Variants in PARD3B observed in about 807,000 individuals in gnomAD.
PARD3B encodes the protein partitioning defective 3 homolog B.
A neutral mutation model predicts 130.2 loss-of-function variants in PARD3B; 103 were observed. The observed-to-expected ratio is 0.79, with a 90% CI of 0.67 to 0.93. The LOEUF is 0.93. PARD3B is among the 40% of genes least tolerant of loss of function. The pLI is 0.00. For missense variants in PARD3B, 1,609 were observed against 1,499.2 expected, an observed-to-expected ratio of 1.07 and a Z score of -1.21; for synonymous variants, 583 against 553.2, an observed-to-expected ratio of 1.05 and a Z score of -0.76.
chr2:204,795,849 T>C (rs886430810), intron 2 of PARD3B, among the ~76,000 whole-genome samples: 2 of 152,362 alleles, frequency 1.3e-5, no homozygotes, highest in East Asian at 1.9e-4. Context: ...AAGTAATTTC[T>C]TTCCCTTAAA....
At chr2:205,134,305 T>A (rs2032280880) in intron 10 of PARD3B, among the ~76,000 whole-genome samples, 1 of 151,430 alleles carries the variant, frequency 6.6e-6, no homozygotes, top group African/African-American at 2.4e-5. Flanking sequence ...GGTGGATTGC[T>A]TGAACCCAGG....
rs1404703582 is a variant in PARD3B, at chr2:205,147,988, G to A, written c.1435-10734G>A. 2.0e-5 allele frequency among the ~76,000 whole-genome samples: 3 copies of A among 152,112 alleles called. No individual in the cohort carries two copies. In the East Asian group the frequency reaches 5.8e-4, roughly 29 times the overall value. On this transcript the variant is annotated intron_variant, in intron 10 of 22. Coordinates refer to ENST00000406610, the MANE Select transcript of PARD3B (RefSeq NM_001302769.2). ...ATATCAGAGATCATAGGGCTATACA[G>A]ACAATACAGACATACATAGTCTATA...
intron 16 of PARD3B, among the ~76,000 whole-genome samples, chr2:205,246,591 C>T (rs979883656): frequency 6.6e-6 from 1 of 152,112 alleles, no homozygotes; most frequent in African/African-American, 2.4e-5. Flanking sequence ...TAGCATTGCC[C>T]CTCTAAACAA....
At chr2:205,000,228 G>T (rs770310915) in intron 3 of PARD3B, among the ~76,000 whole-genome samples, 1 of 152,132 alleles carries the variant, frequency 6.6e-6, no homozygotes, top group Non-Finnish European at 1.5e-5. Flanking sequence ...ATGGTAATGG[G>T]TGCAGTGGTG....
chr2:205,404,571 A>G (rs1389941480), intron 19 of PARD3B, among the ~76,000 whole-genome samples: 1 of 152,174 alleles, frequency 6.6e-6, no homozygotes, highest in Non-Finnish European at 1.5e-5. Flanking sequence ...GTTTTAAAAT[A>G]TGTCATGTTG....
intron 21 of PARD3B, among the ~76,000 whole-genome samples, chr2:205,545,955 C>T (rs984430773): frequency 2.6e-5 from 4 of 152,112 alleles, no homozygotes; most frequent in Non-Finnish European, 4.4e-5. Context: ...GCTAGAAATA[C>T]ATACTAATTT....
intron 1 of PARD3B, among the ~76,000 whole-genome samples, chr2:204,635,166 T>A (rs1319024591): frequency 6.6e-6 from 1 of 152,194 alleles, no homozygotes; most frequent in Non-Finnish European, 1.5e-5. Flanking sequence ...TGACAGGATC[T>A]CAACAGTCTT....
chr2:204,969,742 C>T (rs1559311491), intron 3 of PARD3B, among the ~76,000 whole-genome samples: 1 of 152,102 alleles, frequency 6.6e-6, no homozygotes, highest in Admixed American at 6.6e-5. Flanking sequence ...TGTGATAGCA[C>T]CTCACATCCT....
chr2:204,838,456 C>A (rs2044139616), intron 2 of PARD3B, among the ~76,000 whole-genome samples: 1 of 151,748 alleles, frequency 6.6e-6, no homozygotes, highest in Admixed American at 6.6e-5. Context: ...CTCAGTTGAT[C>A]CACCTGCCTC....
At chr2:205,114,305 T>C (rs1703868560) in intron 6 of PARD3B, among the ~76,000 whole-genome samples, 1 of 152,134 alleles carries the variant, frequency 6.6e-6, no homozygotes, top group Admixed American at 6.6e-5. Context: ...AAAACAATTG[T>C]ACTGAACTTG....
chr2:205,069,271 A>G (rs1700573273), intron 4 of PARD3B, among the ~76,000 whole-genome samples: 1 of 152,034 alleles, frequency 6.6e-6, no homozygotes, highest in South Asian at 2.1e-4. Flanking sequence ...TGTTTTGGTT[A>G]GATTTTTTTC....
intron 2 of PARD3B, among the ~76,000 whole-genome samples, chr2:204,913,201 G>T (rs1045559306): frequency 1.3e-5 from 2 of 152,080 alleles, no homozygotes; most frequent in African/African-American, 4.8e-5. Flanking sequence ...ATATTCAATG[G>T]ACAGAATTTC....
rs371776970 is a variant in PARD3B at position 205,401,138 on chromosome 2, C to A, written c.2741+15C>A. ...GAGCGTGAAAGGTGAGCAGAAGTGC[C>A]GAGACCTTCATTTTCTTTGACTCTA... On this transcript the variant is annotated intron_variant, in intron 19 of 22. Coordinates refer to ENST00000406610, the MANE Select transcript of PARD3B (RefSeq NM_001302769.2). The A allele has an allele frequency of 3.9e-6, 6 of 1,552,756 alleles. No individual in the cohort carries two copies. The highest frequency in any genetic ancestry group is 1.9e-5 in the Admixed American group (1 of 53,572).
At position 205,010,079 on chromosome 2, in the gene PARD3B, C is replaced by T. The variant is rs201684598; in HGVS notation, c.395-37502C>T. On this transcript the variant is annotated intron_variant, in intron 3 of 22. Coordinates refer to ENST00000406610, the MANE Select transcript of PARD3B (RefSeq NM_001302769.2). ...AGTGAACCAATATAGTAATATTTTT[C>T]CAAGCAGGCAATTTTAAACAACAAT... 5.3e-5 allele frequency among the ~76,000 whole-genome samples: 8 copies of T among 152,118 alleles called. No individual in the cohort carries two copies. The East Asian group carries it at 1.6e-3, about 29-fold the overall frequency.
chr2:204,744,205 T>C (rs2040124710), intron 2 of PARD3B, among the ~76,000 whole-genome samples: 1 of 152,012 alleles, frequency 6.6e-6, no homozygotes, highest in Non-Finnish European at 1.5e-5. Flanking sequence ...TACCAGAGAG[T>C]CATTCAGATT....
chr2:204,566,294 C>A (rs2031666074), intron 1 of PARD3B, among the ~76,000 whole-genome samples: 1 of 152,220 alleles, frequency 6.6e-6, no homozygotes, highest in Admixed American at 6.5e-5. Flanking sequence ...GATGTGAACT[C>A]AGTCGTCATG....
chr2:204,843,591 T>C (rs555410669), intron 2 of PARD3B, among the ~76,000 whole-genome samples: 71 of 152,182 alleles, frequency 4.7e-4, no homozygotes, highest in African/African-American at 1.6e-3. Context: ...GGTTTCGCCA[T>C]GTTAGCCAGG....
At chr2:204,883,078 T>G (rs2046115652) in intron 2 of PARD3B, among the ~76,000 whole-genome samples, 1 of 152,050 alleles carries the variant, frequency 6.6e-6, no homozygotes, top group South Asian at 2.1e-4. Flanking sequence ...AAATAAAAAT[T>G]TGTATGTTTT....
intron 1 of PARD3B, among the ~76,000 whole-genome samples, chr2:204,635,460 T>G (rs1207766977): frequency 1.3e-5 from 2 of 152,226 alleles, no homozygotes; most frequent in Non-Finnish European, 2.9e-5. Flanking sequence ...TTACTTGATT[T>G]TCTATTTGCA....
Sources: allele counts gnomAD v4.1 joint callset (sites outside exome capture counted in the v4.1 genomes callset), GRCh38; gene constraint gnomAD v4.1.1; transcripts MANE v1.5; gene names NCBI Gene and HGNC (gene_info 2026-07-23, HGNC 2026-07-21).